ZNF221: variants seen among roughly 807,000 people sequenced by gnomAD.
ZNF221 encodes the protein zinc finger protein 221.
Under a neutral mutation model 12.6 loss-of-function variants are expected in ZNF221, and 10 were observed. That is an observed-to-expected ratio of 0.79 (90% CI 0.49 to 1.34). The LOEUF is 1.34. ZNF221 is among the 40% of genes most tolerant of loss of function. The probability of loss-of-function intolerance (pLI) is 0.00; values close to 1 mark genes in which losing one functional copy is unlikely to be tolerated. For missense variants in ZNF221, 661 were observed against 721.4 expected (o/e 0.92, Z 0.96); for synonymous variants, 232 against 244.0 (o/e 0.95, Z 0.46).
the ZNF221 span, among the ~76,000 whole-genome samples, chr19:43,973,975 G>A: frequency 8.6e-3 from 1,306 of 152,218 alleles, 19 homozygotes; most frequent in African/African-American, 0.029. Context: ...CAAAGCTGGA[G>A]GCATTATGCA....
the ZNF221 span, among the ~76,000 whole-genome samples, chr19:43,975,765 A>G: frequency 2.6e-4 from 40 of 152,158 alleles, no homozygotes; most frequent in African/African-American, 9.2e-4. Context: ...TTATGGAAAC[A>G]TGAGTTGAAA....
chr19:43,962,489 A>G (rs1404473990), intron 1 of ZNF221, among the ~76,000 whole-genome samples: 2 of 152,214 alleles, frequency 1.3e-5, no homozygotes, highest in Non-Finnish European at 2.9e-5. Flanking sequence ...ATGTTGTAGC[A>G]TGAGCCAGTT....
the ZNF221 span, among the ~76,000 whole-genome samples, chr19:43,976,652 C>G: frequency 1.3e-5 from 2 of 152,208 alleles, no homozygotes; most frequent in Non-Finnish European, 2.9e-5. Context: ...TCAGACTTCT[C>G]AGGTAGAAGC....
At chr19:43,964,013 A>C (rs1974894553) in intron 2 of ZNF221, among the ~76,000 whole-genome samples, 1 of 152,210 alleles carries the variant, frequency 6.6e-6, no homozygotes, top group Non-Finnish European at 1.5e-5. Context: ...TATTTTAAAT[A>C]ATCAGGAGAA....
chr19:43,970,202 T>TAAAAG (rs71169299), downstream of ZNF221, among the ~76,000 whole-genome samples: 146,548 of 151,982 alleles, frequency 0.96, 70,874 homozygotes, highest in Middle Eastern at 1. Flanking sequence ...GCTTGACTGT[T>TAAAAG]AAAAACAGGC....
At chr19:43,973,700 C>T in the ZNF221 span, among the ~76,000 whole-genome samples, 184 of 152,032 alleles carry the variant, frequency 1.2e-3, no homozygotes, top group Non-Finnish European at 2.3e-3. Flanking sequence ...ACAAGGGAAG[C>T]GAAGGACCCC....
intron 1 of ZNF221, 81 bp downstream of exon 1, chr19:43,951,481 G>A (rs902974865): frequency 6.6e-6 from 1 of 152,212 alleles, no homozygotes; most frequent in African/African-American, 2.4e-5. Context: ...CATCCCGAGG[G>A]ACTCGGTCCT....
chr19:43,953,574 C>G (rs2096707744), intron 1 of ZNF221, among the ~76,000 whole-genome samples: 2 of 152,168 alleles, frequency 1.3e-5, no homozygotes, highest in Non-Finnish European at 2.9e-5. Context: ...TGCCTTTACT[C>G]TCTAACCATG....
At chr19:43,970,142 G>C (rs959856515), downstream of ZNF221, among the ~76,000 whole-genome samples, 1 of 152,110 alleles carries the variant, frequency 6.6e-6, no homozygotes, top group Non-Finnish European at 1.5e-5. Flanking sequence ...CTAGGGTCTC[G>C]AGCAGACCCC....
chr19:43,972,946 C>T, the ZNF221 span, among the ~76,000 whole-genome samples: 5 of 152,010 alleles, frequency 3.3e-5, no homozygotes, highest in South Asian at 2.1e-4. Context: ...AGAGATAAAA[C>T]GAAAAAAGAA....
In ZNF221 at chr19:43,966,415, A is replaced by T. The variant is rs1401697085; in HGVS notation, c.913A>T (p.Thr305Ser). The T allele has an allele frequency of 6.2e-7, 1 of 1,614,102 alleles. No homozygotes were observed. The change falls in exon 5 of 5, where the codon ACT becomes TCT. Residue 305 changes from threonine to serine, a missense_variant. By Grantham distance (58) the Thr-to-Ser change is moderately conservative (BLOSUM62 1). Transcript: ENST00000587682. ...GCTTCAAGAACATCAGAGAATCCAT[A>T]CTGGGGAGAAGCCATTCAAATGTGA... ...SQLQEHQRIH[T>S]GEKPFKCDIC...
the ZNF221 span, among the ~76,000 whole-genome samples, chr19:43,979,422 C>CATATATATATATATATATATATAT: frequency 3.9e-4 from 54 of 138,584 alleles, no homozygotes; most frequent in African/African-American, 1.4e-3. Flanking sequence ...AACAGTAATA[C>CATATATATATATATATATATATAT]ATATATATAT....
downstream of ZNF221, chr19:43,967,720 CG>C (rs1975009833): frequency 5.5e-6 from 1 of 183,394 alleles, no homozygotes; most frequent in Non-Finnish European, 1.2e-5. Context: ...CCTCGTGATC[CG>C]CCCGCCTTGG....
chr19:43,965,476 C>A, intron 4 of ZNF221, 151 bp downstream of exon 4: 2 of 630,784 alleles, frequency 3.2e-6, no homozygotes, highest in Non-Finnish European at 2.6e-6. Context: ...CCTTTGGCTT[C>A]ATTATTCATG....
At chr19:43,970,919 C>A (rs777712080), downstream of ZNF221, among the ~76,000 whole-genome samples, 8 of 152,132 alleles carry the variant, frequency 5.3e-5, no homozygotes, top group Middle Eastern at 3.2e-3. Context: ...CAGAGAACCC[C>A]GGTAAGATAC....
At chr19:43,973,073 C>T in the ZNF221 span, among the ~76,000 whole-genome samples, 1,353 of 152,252 alleles carry the variant, frequency 8.9e-3, 74 homozygotes, top group Admixed American at 0.081. Context: ...TTGGCTTCAT[C>T]CCCAGGATGC....
At chr19:43,972,208 A>G (rs369164194), downstream of ZNF221, among the ~76,000 whole-genome samples, 4 of 152,240 alleles carry the variant, frequency 2.6e-5, no homozygotes, top group African/African-American at 7.2e-5. Flanking sequence ...TAAGGCATAG[A>G]TCAAGAAATT....
chr19:43,967,214 T>G lies in ZNF221; in HGVS notation c.1712T>G (p.Phe571Cys), dbSNP rs763090117. 10 of 1,614,114 alleles carry G rather than the reference T, an allele frequency of 6.2e-6. No individual in the cohort carries two copies. Among genetic ancestry groups the G allele is most frequent in the Non-Finnish European group, 7.6e-6 (9 of 1,179,984 alleles). Residue 571 changes from phenylalanine (F) to cysteine (C), a missense_variant, in exon 5 of 5, where the codon TTT (phenylalanine) becomes TGT (cysteine). Phe to Cys is a radical substitution (Grantham distance 205). Transcript: ENST00000587682. The part of the protein sequence containing the change: ...PYNCKECGKS[F>C]GWASCLLKHQ... Reference sequence around the variant, plus strand: ...AATTGTAAGGAATGTGGAAAGAGCTTTGGCTGGGCTTCATGTCTTTTGAAA... The same window carrying G: ...AATTGTAAGGAATGTGGAAAGAGCTGTGGCTGGGCTTCATGTCTTTTGAAA...
At chr19:43,962,865 C>G in intron 2 of ZNF221, 58 bp downstream of exon 2, 1 of 1,517,278 alleles carries the variant, frequency 6.6e-7, no homozygotes, top group Non-Finnish European at 9.1e-7. Context: ...CATATTGTCA[C>G]ATTTTTATCT....
Sources: gnomAD v4.1 joint callset for allele counts (sites outside exome capture counted in the v4.1 genomes callset) on GRCh38, gnomAD v4.1.1 for gene constraint, MANE v1.5 for transcripts, NCBI Gene and HGNC (gene_info 2026-07-23, HGNC 2026-07-21) for gene names.